The following CRADD variants were observed in gnomAD, a reference collection of about 807,000 sequenced individuals.
CRADD encodes the protein death domain-containing protein CRADD.
CRADD carries 9 observed loss-of-function variants against 15.5 expected under a neutral mutation model. That is an observed-to-expected ratio of 0.58 (90% confidence interval 0.35 to 1.01). CRADD has a LOEUF of 1.01. Ranked by LOEUF, CRADD falls within the 50% of genes least tolerant of loss-of-function variation. The pLI is 0.02. For missense variants in CRADD, 227 were observed against 250.3 expected, an observed-to-expected ratio of 0.91 and a Z score of 0.63; for synonymous variants, 118 against 107.6, an observed-to-expected ratio of 1.10 and a Z score of -0.60.
intron 2 of CRADD, among the ~76,000 whole-genome samples, chr12:93,691,602 A>T (rs1046258808): frequency 5.3e-5 from 8 of 152,152 alleles, no homozygotes; most frequent in Admixed American, 1.3e-4. Flanking sequence ...GTTAACCACT[A>T]AATGGGGTAA....
chr12:93,855,130 G>T (rs550394150), downstream of CRADD, among the ~76,000 whole-genome samples: 3 of 152,248 alleles, frequency 2.0e-5, no homozygotes, highest in Admixed American at 2.0e-4. Flanking sequence ...AGGAGATGGA[G>T]GTTGCAGCGA....
At chr12:93,745,383 G>A (rs1343558396) in intron 2 of CRADD, among the ~76,000 whole-genome samples, 1 of 152,138 alleles carries the variant, frequency 6.6e-6, no homozygotes, top group African/African-American at 2.4e-5. Context: ...GGCTTTTAGG[G>A]GAGTTTTATG....
chr12:93,743,604 C>A (rs1956710928), intron 2 of CRADD, among the ~76,000 whole-genome samples: 1 of 152,164 alleles, frequency 6.6e-6, no homozygotes, highest in Admixed American at 6.5e-5. Flanking sequence ...ATTATTCTTA[C>A]TGTCCCTTCA....
intron 2 of CRADD, among the ~76,000 whole-genome samples, chr12:93,756,134 A>G (rs532615376): frequency 1.3e-5 from 2 of 152,218 alleles, no homozygotes; most frequent in Non-Finnish European, 2.9e-5. Flanking sequence ...ATAATTATCT[A>G]AAACACTAAA....
At chr12:93,814,685 C>T (rs1269836167) in intron 2 of CRADD, among the ~76,000 whole-genome samples, 1 of 152,180 alleles carries the variant, frequency 6.6e-6, no homozygotes, top group Non-Finnish European at 1.5e-5. Flanking sequence ...TCTCCAGCTT[C>T]GCCTGCCACC....
chr12:93,850,778 T>G (rs1958211326), downstream of CRADD: 2 of 968,458 alleles, frequency 2.1e-6, no homozygotes, highest in East Asian at 2.3e-4. The surrounding 1 kb of genome is among the most constrained non-coding windows in gnomAD (Gnocchi z 4.0). Flanking sequence ...GGTTTTTTTT[T>G]TTCTTTCTCA....
chr12:93,745,608 G>A (rs188993203), intron 2 of CRADD, among the ~76,000 whole-genome samples: 2 of 152,286 alleles, frequency 1.3e-5, no homozygotes, highest in East Asian at 1.9e-4. Flanking sequence ...CAGCCCTTGC[G>A]GGAAATGTGA....
At chr12:93,856,074 G>A (rs531200341) in intron 2 of CRADD, among the ~76,000 whole-genome samples, 1 of 152,344 alleles carries the variant, frequency 6.6e-6, no homozygotes, top group East Asian at 1.9e-4. Flanking sequence ...CCAAAGTGCT[G>A]GGATTACAGG....
At chr12:93,716,344 A>G (rs1040910576) in intron 2 of CRADD, among the ~76,000 whole-genome samples, 5 of 152,138 alleles carry the variant, frequency 3.3e-5, no homozygotes, top group Admixed American at 2.6e-4. Context: ...GAGGTGTGAC[A>G]TTTGTTATCA....
intron 2 of CRADD, among the ~76,000 whole-genome samples, chr12:93,702,607 C>T (rs1955862627): frequency 6.6e-6 from 1 of 151,304 alleles, no homozygotes; most frequent in South Asian, 2.1e-4. Flanking sequence ...ATGCTCTAAA[C>T]TCTGCAATTT....
intron 2 of CRADD, among the ~76,000 whole-genome samples, chr12:93,756,776 C>G (rs753540487): frequency 2.0e-5 from 3 of 152,186 alleles, no homozygotes; most frequent in Non-Finnish European, 2.9e-5. Context: ...AGGCACAAAA[C>G]CTTAACTTCT....
At chr12:93,780,031 A>G (rs1051820906) in intron 2 of CRADD, among the ~76,000 whole-genome samples, 1 of 152,348 alleles carries the variant, frequency 6.6e-6, no homozygotes, top group African/African-American at 2.4e-5. Flanking sequence ...GCAAAGCACA[A>G]GTTCATACTG....
intron 2 of CRADD, among the ~76,000 whole-genome samples, chr12:93,750,654 T>C (rs1956819117): frequency 6.6e-6 from 1 of 152,228 alleles, no homozygotes; most frequent in Non-Finnish European, 1.5e-5. Context: ...CAATTTACTG[T>C]TTTCATTAAT....
Position 93,849,978 on chromosome 12 carries a change from T to C in CRADD, c.307T>C (p.Leu103=). The change falls in exon 3 of 3, where the codon TTG becomes CTG. Residue 103 remains leucine (L), a synonymous_variant. Coordinates refer to ENST00000332896, the MANE Select transcript of CRADD (RefSeq NM_003805.5). ...GTCTTTTTCCTCCTCAGGTGACAGA[T>C]TGACTGGGATCCCCTCGCACATCCT... ...AMTDLPAGDR[L]TGIPSHILNS... The C allele has an allele frequency of 6.3e-7, 1 of 1,597,504 alleles. No homozygotes were observed. Among genetic ancestry groups the C allele is most frequent in the South Asian group, 1.1e-5 (1 of 90,710 alleles).
chr12:93,822,440 T>C (rs1238304212), intron 2 of CRADD, among the ~76,000 whole-genome samples: 1 of 152,198 alleles, frequency 6.6e-6, no homozygotes, highest in East Asian at 1.9e-4. Flanking sequence ...GCATCCTCTT[T>C]GTACCACAGT....
At chr12:93,784,001 C>T (rs892494309) in intron 2 of CRADD, among the ~76,000 whole-genome samples, 1 of 152,126 alleles carries the variant, frequency 6.6e-6, no homozygotes, top group Admixed American at 6.5e-5. Context: ...AGCAAGCCAC[C>T]TCGCCAAACT....
intron 2 of CRADD, among the ~76,000 whole-genome samples, chr12:93,767,187 G>A (rs1437554098): frequency 1.3e-5 from 2 of 152,214 alleles, no homozygotes; most frequent in African/African-American, 4.8e-5. Context: ...CCATGTGCAA[G>A]TGATATTAAC....
chr12:93,769,572 T>C (rs943909865), intron 2 of CRADD, among the ~76,000 whole-genome samples: 4 of 152,250 alleles, frequency 2.6e-5, no homozygotes, highest in African/African-American at 9.6e-5. Context: ...CTTTAGGGAA[T>C]ACTGTGAAAG....
chr12:93,823,575 C>A (rs1957792222), intron 2 of CRADD, among the ~76,000 whole-genome samples: 1 of 152,216 alleles, frequency 6.6e-6, no homozygotes, highest in Non-Finnish European at 1.5e-5. Flanking sequence ...CCACTAAGTT[C>A]TTCCAGCCAA....
Sources: gnomAD v4.1 joint callset for allele counts (sites outside exome capture counted in the v4.1 genomes callset) on GRCh38, gnomAD v4.1.1 for gene constraint, Gnocchi (gnomAD v3.1) non-coding constraint, MANE v1.5 for transcripts, NCBI Gene and HGNC (gene_info 2026-07-23, HGNC 2026-07-21) for gene names.